Variants in ABCA6 observed in about 807,000 individuals in gnomAD.
ABCA6 encodes ATP-binding cassette sub-family A member 6.
ABCA6 carries 164 observed loss-of-function variants against 191.2 expected under a neutral mutation model. That is an observed-to-expected ratio of 0.86 (90% CI 0.76 to 0.98). ABCA6 has a LOEUF of 0.98. ABCA6 is among the 50% of genes least tolerant of loss of function. ABCA6 has a pLI of 0.00. For synonymous variants in ABCA6, 636 were observed against 647.7 expected (o/e 0.98, Z 0.27); for missense variants, 1,958 against 1,894.1 (o/e 1.03, Z -0.63).
At chr17:69,130,897 T>G (rs1469929995) in intron 6 of ABCA6, among the ~76,000 whole-genome samples, 1 of 152,210 alleles carries the variant, frequency 6.6e-6, no homozygotes, top group Non-Finnish European at 1.5e-5. Flanking sequence ...ATCCTATTCA[T>G]GATTTCTTCA....
Position 69,136,198 on chromosome 17 carries a change from C to A in ABCA6, c.354G>T (p.Leu118=). ...PNKTHMDEIL[L]ENLPYAMGII... ...TTCCCATAGCATATGGTAAATTTTC[C>A]AGAAGTATTTCGTCCATGTGTGTTT... Residue 118 remains leucine, a synonymous_variant, in exon 4 of 39, where the codon CTG becomes CTT. Coordinates refer to ENST00000284425, the MANE Select transcript of ABCA6 (RefSeq NM_080284.3). The A allele has an allele frequency of 6.3e-7, 1 of 1,599,028 alleles. No homozygotes were observed. Among genetic ancestry groups the A allele is most frequent in the South Asian group, 1.1e-5 (1 of 88,508 alleles).
At chr17:69,128,863 T>C (rs969795754) in intron 7 of ABCA6, 59 bp from the exon 8 acceptor site, 35 of 1,337,292 alleles carry the variant, frequency 2.6e-5, no homozygotes, top group South Asian at 2.4e-4. Flanking sequence ...CTGAGAATCA[T>C]TGGCAGCCCA....
intron 22 of ABCA6, 106 bp from the exon 23 acceptor site, chr17:69,098,133 G>T: frequency 1.3e-6 from 1 of 744,356 alleles, no homozygotes. Flanking sequence ...TCAAAGTAAA[G>T]GTGTAGCTCA....
In ABCA6 at chr17:69,088,154, AT is replaced by A; in HGVS notation, c.3698+12del. 6.2e-7 allele frequency: 1 copy of A among 1,602,544 alleles called. No homozygotes were observed. The highest frequency in any genetic ancestry group is 8.5e-7 in the Non-Finnish European group (1 of 1,172,216). On this transcript the variant is annotated intron_variant, in intron 28 of 38. Transcript: ENST00000284425. ...AATATGATATTAAGTATAAAGTTAA[AT>A]TTCACCCCAACCTGAAAACAGGATC...
intron 8 of ABCA6, among the ~76,000 whole-genome samples, chr17:69,125,679 A>G (rs2144698792): frequency 6.6e-6 from 1 of 152,272 alleles, no homozygotes; most frequent in South Asian, 2.1e-4. Context: ...TCTTAGGGCC[A>G]GTTCCTTACC....
In ABCA6 at chr17:69,129,752, CTAAA is replaced by C. The variant is rs537336238; in HGVS notation, c.792-5_792-2del. On this transcript the variant is annotated splice_acceptor_variant and splice_polypyrimidine_tract_variant and intron_variant, in intron 6 of 38. Transcript: ENST00000284425. LOFTEE classifies it high-confidence loss of function. Reference sequence around the variant, plus strand: ...AGCATAGATTAGACCCCAGGAGAGCCTAAATAAAGACAAAAAGTTATATAAATTA... The same window carrying C: ...AGCATAGATTAGACCCCAGGAGAGCCTAAAGACAAAAAGTTATATAAATTA... The C allele has an allele frequency of 5.4e-4, 846 of 1,565,566 alleles. 3 individuals are homozygous for C. The African/African-American group carries it at 9.6e-3, about 18-fold the overall frequency.
At chr17:69,086,591 T>C (rs777840086) in intron 30 of ABCA6, 27 bp downstream of exon 30, 11 of 1,517,354 alleles carry the variant, frequency 7.2e-6, no homozygotes, top group Non-Finnish European at 1.0e-5. Flanking sequence ...AAAGTAATGG[T>C]AAGTTTTAAA....
At chr17:69,102,507 A>G (rs1398534844) in intron 21 of ABCA6, among the ~76,000 whole-genome samples, 1 of 152,214 alleles carries the variant, frequency 6.6e-6, no homozygotes, top group Non-Finnish European at 1.5e-5. Context: ...ATAAAAACAA[A>G]CTTTATTCAG....
rs1397205234 is a variant in ABCA6 at position 69,137,506 on chromosome 17, A to T, written c.97-6T>A. The T allele has an allele frequency of 3.1e-6, 5 of 1,603,346 alleles. No homozygotes were observed. The East Asian group carries it at 1.1e-4, about 36-fold the overall frequency. On this transcript the variant is annotated splice_polypyrimidine_tract_variant and splice_region_variant and intron_variant, in intron 2 of 38. Coordinates refer to ENST00000284425, the MANE Select transcript of ABCA6 (RefSeq NM_080284.3). The stretch of plus-strand genomic sequence containing the variant: ...AGTATTGAGAGGCCCCATTCCTGTA[A>T]TGCATATAAAAAGAAAAATAATGAA...
intron 27 of ABCA6, 151 bp downstream of exon 27, chr17:69,089,314 C>G (rs2072874867): frequency 1.8e-5 from 12 of 668,138 alleles, no homozygotes; most frequent in Non-Finnish European, 3.0e-5. Context: ...AAAAGTAACT[C>G]TAAGGTTTAG....
chr17:69,117,943 T>C lies in ABCA6; in HGVS notation c.1450A>G (p.Lys484Glu). 1.9e-6 allele frequency: 3 copies of C among 1,590,892 alleles called. No homozygotes were observed. The highest frequency in any genetic ancestry group is 2.6e-6 in the Non-Finnish European group (3 of 1,163,958). ...CCAGATTTTCCTTTATATTCCTTCTTAACATTTCTGATTCTGAAATAACAA... is the reference window on the plus strand; with the variant it reads ...CCAGATTTTCCTTTATATTCCTTCTCAACATTTCTGATTCTGAAATAACAA... ...GKEAIRIRNV[K>E]KEYKGKSGKV... The change falls in exon 11 of 39, where the codon AAG (lysine) becomes GAG (glutamate). Residue 484 changes from lysine (K) to glutamate (E), a missense_variant. Transcript: ENST00000284425.
At position 69,091,241 on chromosome 17, in the gene ABCA6, T is replaced by C; in HGVS notation, c.3430A>G (p.Ile1144Val). 1 of 1,611,720 alleles carries C rather than the reference T, an allele frequency of 6.2e-7. No individual in the cohort carries two copies. Among genetic ancestry groups the C allele is most frequent in the Non-Finnish European group, 8.5e-7 (1 of 1,179,504 alleles). ...FFFASTIMFS[I>V]TLINHFDLSI... ...AGGTCAAAATGATTGATTAAAGTGATGGAAAACATGATGGTGGAGGCCTAC... is the reference window on the plus strand; with the variant it reads ...AGGTCAAAATGATTGATTAAAGTGACGGAAAACATGATGGTGGAGGCCTAC... Residue 1144 changes from isoleucine to valine, a missense_variant, in exon 26 of 39, where the codon ATC (isoleucine) becomes GTC (valine). Transcript: ENST00000284425.
rs145446871 is a variant in ABCA6, at chr17:69,085,646, G to T, written c.4008C>A (p.Ile1336=). ...KSSSIRMISG[I]TKPTAGEVEL... is the part of the protein sequence containing the mutation. Reference sequence around the variant, plus strand: ...CTACCTCTCCAGCAGTTGGCTTTGTGATCCCAGATATCATTCTAATAGATG... The same window carrying T: ...CTACCTCTCCAGCAGTTGGCTTTGTTATCCCAGATATCATTCTAATAGATG... The change falls in exon 31 of 39, where the codon ATC becomes ATA. Residue 1336 remains isoleucine (I), a synonymous_variant. Transcript: ENST00000284425. 25 of 1,611,344 alleles carry T rather than the reference G, an allele frequency of 1.6e-5. No individual in the cohort carries two copies. The highest frequency in any genetic ancestry group is 1.6e-4 in the Middle Eastern group (1 of 6,072).
intron 1 of ABCA6, among the ~76,000 whole-genome samples, chr17:69,141,005 A>C (rs907565684): frequency 6.6e-6 from 1 of 151,996 alleles, no homozygotes; most frequent in Non-Finnish European, 1.5e-5. Context: ...CAGAACCTAT[A>C]ATTTCACATT....
At chr17:69,085,741 A>G (rs2072770644) in intron 30 of ABCA6, 25 bp from the exon 31 acceptor site, 2 of 1,483,914 alleles carry the variant, frequency 1.3e-6, no homozygotes, top group Non-Finnish European at 1.9e-6. Context: ...CAGACTATCA[A>G]TATTGGAAGT....
At chr17:69,121,333 C>T (rs2073636839) in intron 10 of ABCA6, among the ~76,000 whole-genome samples, 1 of 152,120 alleles carries the variant, frequency 6.6e-6, no homozygotes, top group African/African-American at 2.4e-5. Flanking sequence ...TGCTTTAACA[C>T]TCAGTGAGTG....
At chr17:69,123,884 A>T (rs4968838) in intron 9 of ABCA6, among the ~76,000 whole-genome samples, 7 of 151,696 alleles carry the variant, frequency 4.6e-5, no homozygotes, top group Non-Finnish European at 1.5e-5. Flanking sequence ...TGAAAAACAG[A>T]TTTGTATCAC....
At chr17:69,117,186 T>G (rs1246627863) in intron 11 of ABCA6, among the ~76,000 whole-genome samples, 1 of 152,066 alleles carries the variant, frequency 6.6e-6, no homozygotes, top group Non-Finnish European at 1.5e-5. Flanking sequence ...ATGCTGTATT[T>G]ATTAGAAAAT....
Position 69,107,687 on chromosome 17 carries a change from T to C in ABCA6, c.2389+9A>G. 1.3e-6 allele frequency: 2 copies of C among 1,539,496 alleles called. No individual in the cohort carries two copies. Among genetic ancestry groups the C allele is most frequent in the Non-Finnish European group, 1.8e-6 (2 of 1,123,878 alleles). Reference sequence around the variant, plus strand: ...ATTGGTTTTCTGTGAATTATACAAATGGCTTTACCTTGTTCGATAGTTGAC... The same window carrying C: ...ATTGGTTTTCTGTGAATTATACAAACGGCTTTACCTTGTTCGATAGTTGAC... On this transcript the variant is annotated intron_variant, in intron 18 of 38. Transcript: ENST00000284425.
Sources: allele counts gnomAD v4.1 joint callset (sites outside exome capture counted in the v4.1 genomes callset), GRCh38; gene constraint gnomAD v4.1.1; transcripts MANE v1.5; gene names NCBI Gene and HGNC (gene_info 2026-07-23, HGNC 2026-07-21).